The following CMKLR2 variants were observed in gnomAD, a reference collection of about 807,000 sequenced individuals.
CMKLR2 encodes the protein chemerin chemokine-like receptor 2, also known as chemerin-like receptor 2.
Under a neutral mutation model 23.0 loss-of-function variants are expected in CMKLR2, and 18 were observed. The observed-to-expected ratio is 0.78, with a 90% CI of 0.54 to 1.16. The LOEUF (loss-of-function observed/expected upper bound fraction) is 1.16. Ranked by LOEUF, CMKLR2 falls within the 50% of genes most tolerant of loss-of-function variation. The probability of loss-of-function intolerance (pLI) is 0.00; values close to 1 mark genes in which losing one functional copy is unlikely to be tolerated. For synonymous variants in CMKLR2, 158 were observed against 158.9 expected (o/e 0.99, Z 0.05); for missense variants, 401 against 412.7 (o/e 0.97, Z 0.25).
intron 1 of CMKLR2, among the ~76,000 whole-genome samples, chr2:206,198,249 T>C (rs1688981530): frequency 6.6e-6 from 1 of 152,232 alleles, no homozygotes; most frequent in African/African-American, 2.4e-5. Flanking sequence ...TAACACTTGA[T>C]CCTGTTTAAG....
chr2:206,198,378 T>C (rs1688984668), intron 1 of CMKLR2, among the ~76,000 whole-genome samples: 1 of 152,170 alleles, frequency 6.6e-6, no homozygotes, highest in Non-Finnish European at 1.5e-5. Flanking sequence ...AGTGGCCCAA[T>C]TGGGACCCCA....
intron 1 of CMKLR2, among the ~76,000 whole-genome samples, chr2:206,178,361 T>C (rs1269599437): frequency 6.6e-6 from 1 of 152,222 alleles, no homozygotes; most frequent in Non-Finnish European, 1.5e-5. Flanking sequence ...CCAATCCATC[T>C]GGATGTCACT....
chr2:206,192,812 G>C (rs78738615), intron 1 of CMKLR2, among the ~76,000 whole-genome samples: 1 of 151,992 alleles, frequency 6.6e-6, no homozygotes, highest in Non-Finnish European at 1.5e-5. Context: ...ACAGGACATT[G>C]GTTTCAGGAC....
At chr2:206,196,536 AGAG>A (rs1410612284) in intron 1 of CMKLR2, among the ~76,000 whole-genome samples, 2 of 152,186 alleles carry the variant, frequency 1.3e-5, no homozygotes, top group African/African-American at 4.8e-5. Context: ...TCTTCCCTGC[AGAG>A]GAGGATGACT....
intron 1 of CMKLR2, among the ~76,000 whole-genome samples, chr2:206,198,386 C>G (rs1688984878): frequency 6.6e-6 from 1 of 152,076 alleles, no homozygotes; most frequent in African/African-American, 2.4e-5. Flanking sequence ...AATTGGGACC[C>G]CAGGTGTCTC....
chr2:206,176,436 G>T lies in CMKLR2; in HGVS notation c.812C>A (p.Thr271Asn). The change falls in exon 2 of 2, where the codon ACC (threonine) becomes AAC (asparagine). Residue 271 changes from threonine to asparagine, a missense_variant. Physicochemically the swap from Thr to Asn is moderately conservative, Grantham distance 65 (BLOSUM62 0). Coordinates refer to ENST00000621141, the MANE Select transcript of CMKLR2 (RefSeq NM_001389445.1). ...PYHLFSIWEL[T>N]IHHNSYSHHV... ...GTGGGAATAGCTATTGTGGTGAATG[G>T]TGAGCTCCCAAATGCTAAACAGGTG... 1 of 1,614,172 alleles carries T rather than the reference G, an allele frequency of 6.2e-7. No individual in the cohort carries two copies. The highest frequency in any genetic ancestry group is 2.2e-5 in the East Asian group (1 of 44,882).
At chr2:206,198,747 C>G (rs958642579) in intron 1 of CMKLR2, among the ~76,000 whole-genome samples, 1 of 152,170 alleles carries the variant, frequency 6.6e-6, no homozygotes, top group Non-Finnish European at 1.5e-5. Flanking sequence ...GTTTCTGATT[C>G]GTGAAAGTAT....
Position 206,176,854 on chromosome 2 carries a change from T to C in CMKLR2, c.394A>G (p.Ser132Gly), listed in dbSNP as rs749315120. ...FASVFFLTVI[S>G]LDHYIHLIHP... is the part of the protein sequence containing the mutation. ...ATCAAGTGGATATAGTGGTCCAGGC[T>C]GATCACTGTCAGGAAAAAAACACTG... Residue 132 changes from serine (S) to glycine (G), a missense_variant, in exon 2 of 2, where the codon AGC becomes GGC. Coordinates refer to ENST00000621141, the MANE Select transcript of CMKLR2 (RefSeq NM_001389445.1). The C allele has an allele frequency of 6.2e-7, 1 of 1,614,160 alleles. No homozygotes were observed. Among genetic ancestry groups the C allele is most frequent in the Admixed American group, 1.7e-5 (1 of 60,008 alleles).
chr2:206,190,155 T>C (rs1313334714), intron 1 of CMKLR2, among the ~76,000 whole-genome samples: 1 of 152,122 alleles, frequency 6.6e-6, no homozygotes, highest in Non-Finnish European at 1.5e-5. Flanking sequence ...TAGCTGTAGT[T>C]CCCATGTCAT....
At chr2:206,215,727 G>A (rs892255257), upstream of CMKLR2, among the ~76,000 whole-genome samples, 18 of 152,212 alleles carry the variant, frequency 1.2e-4, no homozygotes, top group African/African-American at 3.9e-4. Flanking sequence ...ATGACTTGCA[G>A]TTGATCTGTT....
At chr2:206,191,457 G>C (rs1251987239) in intron 1 of CMKLR2, among the ~76,000 whole-genome samples, 1 of 152,040 alleles carries the variant, frequency 6.6e-6, no homozygotes, top group African/African-American at 2.4e-5. Context: ...TTTAAGTAGA[G>C]ATTCAAAAAC....
At chr2:206,207,769 T>G (rs1159675953) in intron 1 of CMKLR2, among the ~76,000 whole-genome samples, 2 of 124,028 alleles carry the variant, frequency 1.6e-5, no homozygotes, top group Non-Finnish European at 3.4e-5. Context: ...TGAGATGGAG[T>G]TTTGCCGTTG....
intron 1 of CMKLR2, among the ~76,000 whole-genome samples, chr2:206,204,582 A>G (rs983482505): frequency 1.3e-5 from 2 of 151,658 alleles, no homozygotes; most frequent in African/African-American, 4.8e-5. Context: ...TTTTTGAGAC[A>G]GAGTCTCGCT....
rs543284867 is a variant in CMKLR2 at position 206,177,961 on chromosome 2, C to A, written c.-28-686G>T. ...AGATGCAAAAGAAAACGGATTAATA[C>A]TTACAGAGTGATAGCTTCAAAATCT... On this transcript the variant is annotated intron_variant, in intron 1 of 1. Coordinates refer to ENST00000621141, the MANE Select transcript of CMKLR2 (RefSeq NM_001389445.1). Among the ~76,000 whole-genome samples, 255 of 152,256 alleles carry A rather than the reference C, an allele frequency of 1.7e-3. 1 individual carries two copies. Among genetic ancestry groups the A allele is most frequent in the African/African-American group, 5.6e-3 (233 of 41,560 alleles).
intron 1 of CMKLR2, among the ~76,000 whole-genome samples, chr2:206,194,267 C>T (rs1289530581): frequency 3.3e-5 from 5 of 152,068 alleles, no homozygotes; most frequent in African/African-American, 7.2e-5. Context: ...TCCTTTCATT[C>T]GTACAGATTA....
intron 1 of CMKLR2, among the ~76,000 whole-genome samples, chr2:206,189,954 G>T (rs1688698802): frequency 6.6e-6 from 1 of 152,098 alleles, no homozygotes; most frequent in African/African-American, 2.4e-5. Context: ...TCTCTGCTTG[G>T]AAGGCGTTGA....
intron 1 of CMKLR2, among the ~76,000 whole-genome samples, chr2:206,181,610 A>G (rs902988201): frequency 2.0e-5 from 3 of 152,218 alleles, no homozygotes; most frequent in African/African-American, 7.2e-5. Flanking sequence ...TATGTATTAT[A>G]TACGTATTCT....
chr2:206,176,163 T>C lies in CMKLR2; in HGVS notation c.*17A>G. ...CCACATAAAAAGCCATATACTGATT[T>C]GTGGAAAAGTAATAACTTATTGAGC... is the stretch of plus-strand genomic sequence containing the variant. On this transcript the variant is annotated 3_prime_UTR_variant, in exon 2 of 2. Coordinates refer to ENST00000621141, the MANE Select transcript of CMKLR2 (RefSeq NM_001389445.1). 2 of 1,561,292 alleles carry C rather than the reference T, an allele frequency of 1.3e-6. No individual in the cohort carries two copies.
intron 1 of CMKLR2, among the ~76,000 whole-genome samples, chr2:206,204,157 C>A (rs1689219713): frequency 6.6e-6 from 1 of 151,898 alleles, no homozygotes; most frequent in Non-Finnish European, 1.5e-5. Flanking sequence ...TCGAGACCAT[C>A]CTGGCTAACA....
Sources: allele counts gnomAD v4.1 joint callset (sites outside exome capture counted in the v4.1 genomes callset), GRCh38; gene constraint gnomAD v4.1.1; transcripts MANE v1.5; gene names NCBI Gene and HGNC (gene_info 2026-07-23, HGNC 2026-07-21).